The following CBFA2T2 variants were observed in gnomAD, a reference collection of about 807,000 sequenced individuals.
CBFA2T2 encodes protein CBFA2T2.
A neutral mutation model predicts 62.2 loss-of-function variants in CBFA2T2; 11 were observed. The ratio of observed to expected loss-of-function variants is 0.18; its 90% CI spans 0.11 to 0.29. CBFA2T2 has a LOEUF of 0.29. Ranked by LOEUF, CBFA2T2 falls within the 10% of genes least tolerant of loss-of-function variation. The pLI, the probability that CBFA2T2 is intolerant of heterozygous loss-of-function variation, is 1.00. For missense variants in CBFA2T2, 592 were observed against 774.1 expected, an observed-to-expected ratio of 0.76 and a Z score of 2.79; for synonymous variants, 295 against 287.5, an observed-to-expected ratio of 1.03 and a Z score of -0.27.
intron 2 of CBFA2T2, 91 bp downstream of exon 2, chr20:33,607,190 C>T: frequency 1.7e-6 from 2 of 1,199,474 alleles, no homozygotes; most frequent in South Asian, 1.9e-5. Context: ...ATATATTATT[C>T]AGTGTTTTCA....
chr20:33,496,738 CG>C (rs1568784490), intron 1 of CBFA2T2, among the ~76,000 whole-genome samples: 2 of 152,140 alleles, frequency 1.3e-5, no homozygotes, highest in African/African-American at 4.8e-5. Flanking sequence ...CAGAAGAGAT[CG>C]GAAAGTGCAT....
At chr20:33,626,632 A>C (rs2016240143) in intron 6 of CBFA2T2, among the ~76,000 whole-genome samples, 1 of 152,260 alleles carries the variant, frequency 6.6e-6, no homozygotes, top group African/African-American at 2.4e-5. Flanking sequence ...GCAGAGAACC[A>C]AAGGGCTATC....
At chr20:33,528,505 T>A (rs1211997673) in intron 1 of CBFA2T2, among the ~76,000 whole-genome samples, 1 of 152,210 alleles carries the variant, frequency 6.6e-6, no homozygotes, top group East Asian at 1.9e-4. Flanking sequence ...TCTCTCTTTT[T>A]TGAATCAGAG....
Position 33,644,595 on chromosome 20 carries a change from G to A in CBFA2T2, c.1737G>A (p.Ser579=), listed in dbSNP as rs533213636. The change falls in exon 11 of 11, where the codon TCG becomes TCA. Residue 579 remains serine, a synonymous_variant. Transcript: ENST00000342704. ...PALDKTSATT[S]RSSTPASVTA... ...TCGACAAGACCTCGGCAACCACATC[G>A]CGTTCCTCAACACCTGCTTCTGTGA... 31 of 1,612,556 alleles carry A rather than the reference G, an allele frequency of 1.9e-5. No homozygotes were observed. Among genetic ancestry groups the A allele is most frequent in the South Asian group, 6.6e-5 (6 of 90,998 alleles).
chr20:33,491,992 C>T (rs1297838106), intron 1 of CBFA2T2, among the ~76,000 whole-genome samples: 1 of 151,962 alleles, frequency 6.6e-6, no homozygotes, highest in Non-Finnish European at 1.5e-5. Context: ...AAGCGATTCT[C>T]CTGCATCAGC....
In CBFA2T2 at chr20:33,647,420, G is replaced by A. The variant is rs980275300; in HGVS notation, c.*2774G>A. 2.0e-5 allele frequency: 3 copies of A among 152,346 alleles called. No individual in the cohort carries two copies. The highest frequency in any genetic ancestry group is 6.5e-5 in the Admixed American group (1 of 15,284). 9.4% of individuals were successfully genotyped at this position (152,346 alleles called of 1,614,324 possible). A position where few individuals can be genotyped will look rare whatever the true frequency, so the allele number is the denominator to read the frequency against. On this transcript the variant is annotated 3_prime_UTR_variant, in exon 11 of 11. Coordinates refer to ENST00000342704, the MANE Select transcript of CBFA2T2 (RefSeq NM_001032999.3). The stretch of plus-strand genomic sequence containing the variant: ...CTGCCTCAGCCTTCTGAGTAGCTGG[G>A]ATTACAGGCATGCGCCACCACGCCC...
intron 2 of CBFA2T2, among the ~76,000 whole-genome samples, chr20:33,607,962 A>T (rs1849211093): frequency 6.6e-6 from 1 of 152,196 alleles, no homozygotes; most frequent in Non-Finnish European, 1.5e-5. Flanking sequence ...GTACCATTAT[A>T]CACCCACCAG....
Position 33,623,414 on chromosome 20 carries a change from A to G in CBFA2T2, c.692+118A>G. 6 of 1,184,168 alleles carry G rather than the reference A, an allele frequency of 5.1e-6. No individual in the cohort carries two copies. The South Asian group carries it at 7.2e-5, about 14-fold the overall frequency. 73.4% of individuals were successfully genotyped at this position (1,184,168 alleles called of 1,614,324 possible). A position where few individuals can be genotyped will look rare whatever the true frequency, so the allele number is the denominator to read the frequency against. ...TGTAATGTCTCAAACTTTTTTTGAGACAAGGCCTGGCTCTGTCGCCCAGAC... is the reference window on the plus strand; with the variant it reads ...TGTAATGTCTCAAACTTTTTTTGAGGCAAGGCCTGGCTCTGTCGCCCAGAC... On this transcript the variant is annotated intron_variant, in intron 5 of 10. Transcript: ENST00000342704.
In CBFA2T2 at chr20:33,645,957, G is replaced by A. The variant is rs2017033721; in HGVS notation, c.*1311G>A. 1 of 152,038 alleles carries A rather than the reference G, an allele frequency of 6.6e-6. No homozygotes were observed. The highest frequency in any genetic ancestry group is 2.4e-5 in the African/African-American group (1 of 41,400). 9.4% of individuals were successfully genotyped at this position (152,038 alleles called of 1,614,324 possible). A position where few individuals can be genotyped will look rare whatever the true frequency, so the allele number is the denominator to read the frequency against. ...ACTCATATCCCTTTCAGAATGTTAG[G>A]AACTGCCTCCCACATTCTTCCCTGT... is the stretch of plus-strand genomic sequence containing the variant. On this transcript the variant is annotated 3_prime_UTR_variant, in exon 11 of 11. Coordinates refer to ENST00000342704, the MANE Select transcript of CBFA2T2 (RefSeq NM_001032999.3).
chr20:33,491,825 C>T (rs946559888), intron 1 of CBFA2T2, among the ~76,000 whole-genome samples: 3 of 151,916 alleles, frequency 2.0e-5, no homozygotes, highest in African/African-American at 7.3e-5. Context: ...TCTCAGCCTC[C>T]GGAGTAGCTG....
intron 1 of CBFA2T2, among the ~76,000 whole-genome samples, chr20:33,586,426 G>A (rs754876724): frequency 2.6e-5 from 4 of 151,908 alleles, no homozygotes; most frequent in South Asian, 2.1e-4. Context: ...GAGCCACCGC[G>A]CCCAGCCTAT....
At chr20:33,562,543 A>G (rs957716896) in intron 1 of CBFA2T2, 3 of 985,884 alleles carry the variant, frequency 3.0e-6, no homozygotes, top group Non-Finnish European at 3.6e-6. Flanking sequence ...CAGCTAATGA[A>G]AGGAGGAGGA....
intron 9 of CBFA2T2, among the ~76,000 whole-genome samples, chr20:33,637,024 G>C (rs2016657362): frequency 6.6e-6 from 1 of 152,178 alleles, no homozygotes; most frequent in East Asian, 1.9e-4. Flanking sequence ...CATTTTGCCT[G>C]ATCTCTTCAC....
At chr20:33,512,359 A>C (rs1333199666) in intron 1 of CBFA2T2, among the ~76,000 whole-genome samples, 1 of 152,174 alleles carries the variant, frequency 6.6e-6, no homozygotes, top group African/African-American at 2.4e-5. Context: ...TCAACAAAAA[A>C]AAAGTAAAAG....
At chr20:33,643,376 G>A (rs1343168960) in intron 10 of CBFA2T2, among the ~76,000 whole-genome samples, 1 of 152,088 alleles carries the variant, frequency 6.6e-6, no homozygotes. Flanking sequence ...AGGAGGTCAA[G>A]ACCAGCCTGG....
chr20:33,612,534 GTATGCTAGATATTAAAGAGACTTTCTAT>G (rs546123968), intron 3 of CBFA2T2, among the ~76,000 whole-genome samples: 353 of 152,212 alleles, frequency 2.3e-3, no homozygotes, highest in African/African-American at 8.1e-3. Context: ...CTGGCTTCTA[GTATGCTAGATATTAAAGAGACTTTCTAT>G]TATGCTAGAT....
At chr20:33,527,730 GAC>G (rs1421261520) in intron 1 of CBFA2T2, among the ~76,000 whole-genome samples, 1 of 151,482 alleles carries the variant, frequency 6.6e-6, no homozygotes, top group East Asian at 1.9e-4. Flanking sequence ...TTTTAGTAGA[GAC>G]AGCGTTTTGC....
Position 33,524,274 on chromosome 20 carries a change from C to T in CBFA2T2, c.34+33973C>T, listed in dbSNP as rs116270422. Among the ~76,000 whole-genome samples the T allele has an allele frequency of 3.5e-3, 535 of 152,098 alleles. 4 individuals carry two copies. The highest frequency in any genetic ancestry group is 0.012 in the African/African-American group (509 of 41,482). On this transcript the variant is annotated intron_variant, in intron 1 of 10. Transcript: ENST00000342704. The stretch of plus-strand genomic sequence containing the variant: ...ACTGATTGTTACCTGTCACAAGTCA[C>T]GTGGGCTGAGATTTCTGGCTAGGCA...
chr20:33,543,399 A>G (rs2012457652), intron 1 of CBFA2T2, among the ~76,000 whole-genome samples: 1 of 152,236 alleles, frequency 6.6e-6, no homozygotes, highest in African/African-American at 2.4e-5. Flanking sequence ...TTCTGGCGCA[A>G]TGGAGTGCTG....
Sources: allele counts gnomAD v4.1 joint callset (sites outside exome capture counted in the v4.1 genomes callset), GRCh38; gene constraint gnomAD v4.1.1; transcripts MANE v1.5; gene names NCBI Gene and HGNC (gene_info 2026-07-23, HGNC 2026-07-21).